Variants in KIAA1328 observed in about 807,000 individuals in gnomAD.
KIAA1328 encodes protein hinderin.
KIAA1328 carries 52 observed loss-of-function variants against 68.1 expected under a neutral mutation model. That is an observed-to-expected ratio of 0.76 (90% CI 0.61 to 0.96). The LOEUF is 0.96. Ranked by LOEUF, KIAA1328 falls within the 40% of genes least tolerant of loss-of-function variation. The pLI, the probability that KIAA1328 is intolerant of heterozygous loss-of-function variation, is 0.00. For synonymous variants in KIAA1328, 232 were observed against 239.4 expected (o/e 0.97, Z 0.28); for missense variants, 641 against 677.6 (o/e 0.95, Z 0.60).
chr18:37,160,230 G>A lies in KIAA1328; in HGVS notation c.1263G>A (p.Leu421=). The A allele has an allele frequency of 6.2e-7, 1 of 1,612,996 alleles. No individual in the cohort carries two copies. Among genetic ancestry groups the A allele is most frequent in the Non-Finnish European group, 8.5e-7 (1 of 1,179,452 alleles). The part of the protein sequence containing the change: ...CLLKSNCDGW[L]LGTSSSIKKH... ...TGAAGTCAAACTGTGATGGCTGGCT[G>A]CTTGGAACATCATCATCTATTAAAA... Residue 421 remains leucine, a synonymous_variant, in exon 8 of 10, where the codon CTG becomes CTA. Coordinates refer to ENST00000280020, the MANE Select transcript of KIAA1328 (RefSeq NM_020776.3).
chr18:37,061,294 T>G (rs2056137162), intron 6 of KIAA1328, among the ~76,000 whole-genome samples: 1 of 152,162 alleles, frequency 6.6e-6, no homozygotes, highest in Non-Finnish European at 1.5e-5. Context: ...AATCTGGTCA[T>G]AGAGGTCAGA....
chr18:36,864,205 A>G (rs940661048), intron 4 of KIAA1328, among the ~76,000 whole-genome samples: 1 of 151,782 alleles, frequency 6.6e-6, no homozygotes, highest in East Asian at 1.9e-4. Flanking sequence ...ATATGATTAC[A>G]TGAGTTTTCT....
At chr18:37,154,004 C>T (rs749008213) in intron 7 of KIAA1328, among the ~76,000 whole-genome samples, 1 of 152,058 alleles carries the variant, frequency 6.6e-6, no homozygotes, top group Non-Finnish European at 1.5e-5. Context: ...TGCTGTCCCC[C>T]GAGGATTTCC....
chr18:36,845,199 TC>T (rs1196441071), intron 4 of KIAA1328, among the ~76,000 whole-genome samples: 2 of 151,804 alleles, frequency 1.3e-5, no homozygotes, highest in African/African-American at 4.8e-5. Flanking sequence ...CACGCCTTAG[TC>T]TGAATTTGAT....
At chr18:36,952,758 G>T (rs541855173) in intron 5 of KIAA1328, among the ~76,000 whole-genome samples, 1 of 152,254 alleles carries the variant, frequency 6.6e-6, no homozygotes, top group South Asian at 2.1e-4. Context: ...TCGCTGTCTT[G>T]TGTGTGCCTC....
chr18:36,962,437 C>A (rs1035228109), intron 6 of KIAA1328, among the ~76,000 whole-genome samples: 4 of 152,150 alleles, frequency 2.6e-5, no homozygotes, highest in Non-Finnish European at 2.9e-5. Context: ...ACAAGGATAT[C>A]CAGCACTTGA....
At chr18:36,945,677 C>T (rs1181059404) in intron 5 of KIAA1328, among the ~76,000 whole-genome samples, 5 of 152,072 alleles carry the variant, frequency 3.3e-5, no homozygotes, top group Non-Finnish European at 4.4e-5. Flanking sequence ...ATGCTGTTCC[C>T]CAAGGCCATA....
At chr18:36,922,367 C>A (rs1475769072) in intron 5 of KIAA1328, among the ~76,000 whole-genome samples, 1 of 152,166 alleles carries the variant, frequency 6.6e-6, no homozygotes, top group Non-Finnish European at 1.5e-5. Flanking sequence ...TACCATCTCT[C>A]AGTTGGCAAC....
intron 5 of KIAA1328, among the ~76,000 whole-genome samples, chr18:36,935,736 G>C (rs2050475461): frequency 6.6e-6 from 1 of 152,120 alleles, no homozygotes; most frequent in South Asian, 2.1e-4. Flanking sequence ...AGCCCACCTA[G>C]TCTGTGTTAA....
chr18:37,089,983 A>G (rs1196653598), intron 7 of KIAA1328, among the ~76,000 whole-genome samples: 2 of 152,276 alleles, frequency 1.3e-5, no homozygotes, highest in East Asian at 1.9e-4. Flanking sequence ...GTGCCCTACC[A>G]TTTGCTCTTA....
At chr18:36,928,504 G>A (rs1249280765) in intron 5 of KIAA1328, among the ~76,000 whole-genome samples, 1 of 152,154 alleles carries the variant, frequency 6.6e-6, no homozygotes, top group African/African-American at 2.4e-5. Flanking sequence ...TACAATATCT[G>A]TTGTTGCTTT....
chr18:37,126,197 T>A (rs978768812), intron 7 of KIAA1328, among the ~76,000 whole-genome samples: 3 of 152,344 alleles, frequency 2.0e-5, no homozygotes, highest in Admixed American at 2.0e-4. Context: ...ATAAATGAAT[T>A]TTATTTGGAT....
chr18:37,107,187 C>T (rs1029679225), intron 7 of KIAA1328, among the ~76,000 whole-genome samples: 6 of 152,064 alleles, frequency 3.9e-5, no homozygotes, highest in African/African-American at 1.2e-4. Flanking sequence ...TGAAGTGGGC[C>T]GGGGTCATGC....
At chr18:36,962,278 A>T (rs1032029021) in intron 6 of KIAA1328, among the ~76,000 whole-genome samples, 3 of 152,234 alleles carry the variant, frequency 2.0e-5, no homozygotes, top group African/African-American at 7.2e-5. Flanking sequence ...TAACTATCCT[A>T]AATATATATG....
chr18:36,977,739 C>G (rs2052525808), intron 6 of KIAA1328, among the ~76,000 whole-genome samples: 1 of 152,054 alleles, frequency 6.6e-6, no homozygotes, highest in African/African-American at 2.4e-5. Context: ...TCAGAAGGCT[C>G]TGCATATAGT....
chr18:36,914,525 G>C (rs1318057303), intron 5 of KIAA1328, among the ~76,000 whole-genome samples: 1 of 152,046 alleles, frequency 6.6e-6, no homozygotes, highest in Non-Finnish European at 1.5e-5. Context: ...TTCAAGACCA[G>C]CTTGGCCAAC....
At chr18:37,044,756 G>A (rs112458939) in intron 6 of KIAA1328, among the ~76,000 whole-genome samples, 53 of 146,286 alleles carry the variant, frequency 3.6e-4, no homozygotes, top group African/African-American at 9.9e-4. Flanking sequence ...CCGAGATCGC[G>A]CCACTGCACT....
chr18:37,160,552 CTG>C (rs1378187781), intron 8 of KIAA1328, among the ~76,000 whole-genome samples, 171 bp downstream of exon 8: 1 of 152,162 alleles, frequency 6.6e-6, no homozygotes, highest in African/African-American at 2.4e-5. Flanking sequence ...TGAATTGTGT[CTG>C]TGTTTTTCTT....
At chr18:37,112,586 AG>A (rs1292185968) in intron 7 of KIAA1328, among the ~76,000 whole-genome samples, 1 of 152,234 alleles carries the variant, frequency 6.6e-6, no homozygotes. Context: ...TCTAAAAATC[AG>A]AGCGCCTCTT....
Sources: allele counts gnomAD v4.1 joint callset (sites outside exome capture counted in the v4.1 genomes callset), GRCh38; gene constraint gnomAD v4.1.1; transcripts MANE v1.5; gene names NCBI Gene and HGNC (gene_info 2026-07-23, HGNC 2026-07-21).